Variants in GSE1 observed in about 807,000 individuals in gnomAD.
The protein encoded by GSE1 is genetic suppressor element 1.
A neutral mutation model predicts 112.6 loss-of-function variants in GSE1; 32 were observed. The ratio of observed to expected loss-of-function variants is 0.28; its 90% CI spans 0.21 to 0.38. The LOEUF (loss-of-function observed/expected upper bound fraction) is 0.38. GSE1 is among the 10% of genes least tolerant of loss of function. GSE1 has a pLI of 1.00. For synonymous variants in GSE1, 1,115 were observed against 735.6 expected, an observed-to-expected ratio of 1.52 and a Z score of -8.35; for missense variants, 2,348 against 1,699.2, an observed-to-expected ratio of 1.38 and a Z score of -6.71.
At chr16:85,470,763 C>T (rs1411204445) in intron 2 of GSE1, among the ~76,000 whole-genome samples, 1 of 152,056 alleles carries the variant, frequency 6.6e-6, no homozygotes, top group Non-Finnish European at 1.5e-5. Flanking sequence ...ACCCCCACAG[C>T]TGCTGGGGTG....
chr16:85,384,098 C>T (rs540945220), intron 2 of GSE1, among the ~76,000 whole-genome samples: 2 of 152,252 alleles, frequency 1.3e-5, no homozygotes, highest in Non-Finnish European at 2.9e-5. Flanking sequence ...CCTCGACCCT[C>T]CGGCCTTGCT....
chr16:85,672,289 C>G, intron 15 of GSE1, 116 bp from the exon 16 acceptor site: 1 of 772,906 alleles, frequency 1.3e-6, no homozygotes, highest in Non-Finnish European at 2.2e-6. Flanking sequence ...GCCACCACGC[C>G]CGGCCGGGAC....
intron 1 of GSE1, among the ~76,000 whole-genome samples, chr16:85,176,360 A>G (rs1229567412): frequency 2.6e-5 from 4 of 152,060 alleles, no homozygotes; most frequent in Non-Finnish European, 5.9e-5. Flanking sequence ...AGAACATCTC[A>G]GGGGCAGGAG....
chr16:85,546,243 C>T (rs145353026), intron 2 of GSE1, among the ~76,000 whole-genome samples: 1 of 152,242 alleles, frequency 6.6e-6, no homozygotes, highest in African/African-American at 2.4e-5. Context: ...CGCCACTGTG[C>T]CCAGCTAATT....
chr16:85,590,567 G>A (rs1350743789), intron 1 of GSE1, among the ~76,000 whole-genome samples: 7 of 152,048 alleles, frequency 4.6e-5, no homozygotes, highest in South Asian at 2.1e-4. Context: ...CTGGGCCCGC[G>A]TGTGAATGAG....
chr16:85,279,938 G>A (rs987956561), intron 1 of GSE1, among the ~76,000 whole-genome samples: 4 of 152,166 alleles, frequency 2.6e-5, no homozygotes, highest in Admixed American at 6.5e-5. Flanking sequence ...AAGTGTGAGC[G>A]GTGACTCCAG....
At chr16:85,469,391 C>T (rs552324489) in intron 2 of GSE1, among the ~76,000 whole-genome samples, 5 of 152,200 alleles carry the variant, frequency 3.3e-5, no homozygotes, top group Non-Finnish European at 2.9e-5. Flanking sequence ...AGCCAGGATG[C>T]GCTGGCGCCC....
chr16:85,644,414 T>C (rs2050689309), intron 2 of GSE1, among the ~76,000 whole-genome samples: 1 of 151,202 alleles, frequency 6.6e-6, no homozygotes, highest in Non-Finnish European at 1.5e-5. Flanking sequence ...CCAGCCTGTA[T>C]GCCACCAGCT....
chr16:85,394,019 A>G (rs964881872), intron 2 of GSE1, among the ~76,000 whole-genome samples: 4 of 152,136 alleles, frequency 2.6e-5, no homozygotes, highest in South Asian at 2.1e-4. Context: ...GACACTTCCA[A>G]TCTGCCTGGG....
intron 2 of GSE1, among the ~76,000 whole-genome samples, chr16:85,493,869 C>G (rs1416466659): frequency 1.3e-5 from 2 of 150,818 alleles, no homozygotes; most frequent in Non-Finnish European, 2.9e-5. Flanking sequence ...CGCTTGAGCT[C>G]AGGAGTTCAA....
intron 3 of GSE1, among the ~76,000 whole-genome samples, chr16:85,652,530 C>CT (rs1487014012): frequency 6.7e-6 from 1 of 150,284 alleles, no homozygotes; most frequent in African/African-American, 2.5e-5. Context: ...GATGCTGCCT[C>CT]TCATTGAAGA....
intron 2 of GSE1, among the ~76,000 whole-genome samples, chr16:85,376,674 A>G (rs2047428053): frequency 6.6e-6 from 1 of 152,152 alleles, no homozygotes; most frequent in South Asian, 2.1e-4. Context: ...GGGAGAGAGG[A>G]CGCCATGTCT....
intron 1 of GSE1, among the ~76,000 whole-genome samples, chr16:85,237,185 T>C (rs1904750055): frequency 6.6e-6 from 1 of 151,994 alleles, no homozygotes; most frequent in South Asian, 2.1e-4. Context: ...TTAGCAGGCG[T>C]GGTGGCGGTC....
intron 14 of GSE1, among the ~76,000 whole-genome samples, chr16:85,669,051 C>T (rs988125802): frequency 2.6e-5 from 4 of 152,268 alleles, no homozygotes; most frequent in Non-Finnish European, 5.9e-5. Context: ...GCCACATCTC[C>T]CCTGCCAGGG....
chr16:85,548,227 C>CAA (rs1241025677), intron 2 of GSE1, among the ~76,000 whole-genome samples: 47 of 70,062 alleles, frequency 6.7e-4, no homozygotes, highest in African/African-American at 1.7e-3. Context: ...GACTCTTTCT[C>CAA]AAAAAAAAAA....
At chr16:85,202,102 C>T (rs1023725513) in intron 1 of GSE1, among the ~76,000 whole-genome samples, 5 of 152,104 alleles carry the variant, frequency 3.3e-5, no homozygotes, top group Admixed American at 2.6e-4. Flanking sequence ...TGGGGCTGGC[C>T]GGCTTAGGAA....
Position 85,663,112 on chromosome 16 carries a change from C to T in GSE1, c.2373+19C>T, listed in dbSNP as rs2052565635. 2 of 1,505,410 alleles carry T rather than the reference C, an allele frequency of 1.3e-6. No individual in the cohort carries two copies. The highest frequency in any genetic ancestry group is 1.1e-5 in the South Asian group (1 of 88,938). The allele number at this position is 1,505,410 out of a possible 1,614,324, so 93.3% of individuals were successfully genotyped here. The stretch of plus-strand genomic sequence containing the variant: ...CTCTGAGGTACTGGGCTCTCCTCCC[C>T]ACGGACATGCTCTGGGCTGGGCTCT... On this transcript the variant is annotated intron_variant, in intron 10 of 15. Transcript: ENST00000253458.
At chr16:85,390,964 G>A (rs993300084) in intron 2 of GSE1, among the ~76,000 whole-genome samples, 5 of 152,198 alleles carry the variant, frequency 3.3e-5, no homozygotes, top group Admixed American at 1.3e-4. Context: ...AACTGATAGC[G>A]GTCCACTTTA....
intron 1 of GSE1, among the ~76,000 whole-genome samples, chr16:85,196,065 A>G (rs907776217): frequency 2.0e-5 from 3 of 152,148 alleles, no homozygotes; most frequent in African/African-American, 7.2e-5. Context: ...ACATGTGAGT[A>G]TTCACGCCCA....
Sources: gnomAD v4.1 joint callset for allele counts (sites outside exome capture counted in the v4.1 genomes callset) on GRCh38, gnomAD v4.1.1 for gene constraint, MANE v1.5 for transcripts, NCBI Gene and HGNC (gene_info 2026-07-23, HGNC 2026-07-21) for gene names.